Variants in LRRC4C observed in about 807,000 individuals in gnomAD.
LRRC4C encodes leucine-rich repeat-containing protein 4C.
In LRRC4C, 5 loss-of-function variants were observed where a neutral mutation model predicts 33.6. The observed-to-expected ratio is 0.15, with a 90% CI of 0.08 to 0.31. LRRC4C has a LOEUF of 0.31. Ranked by LOEUF, LRRC4C falls within the 10% of genes least tolerant of loss-of-function variation. LRRC4C has a pLI of 1.00. For missense variants in LRRC4C, 560 were observed against 796.7 expected (o/e 0.70, Z 3.58); for synonymous variants, 329 against 302.0 (o/e 1.09, Z -0.93).
At chr11:40,223,170 T>G (rs968428873) in intron 5 of LRRC4C, among the ~76,000 whole-genome samples, 12 of 152,180 alleles carry the variant, frequency 7.9e-5, no homozygotes, top group Non-Finnish European at 1.3e-4. Flanking sequence ...TCATGATATA[T>G]TTCCCTGAGT....
intron 1 of LRRC4C, among the ~76,000 whole-genome samples, chr11:41,217,914 T>C (rs1426457913): frequency 2.0e-5 from 3 of 152,074 alleles, no homozygotes; most frequent in Non-Finnish European, 2.9e-5. Context: ...TGTAGAAAAA[T>C]ATCTATAGGA....
intron 2 of LRRC4C, among the ~76,000 whole-genome samples, chr11:40,775,945 C>A (rs1221552346): frequency 6.6e-6 from 1 of 151,696 alleles, no homozygotes; most frequent in Admixed American, 6.5e-5. Flanking sequence ...GAGTTATGTT[C>A]TTTCTATGTT....
At chr11:40,732,926 G>T (rs1947665489) in intron 2 of LRRC4C, among the ~76,000 whole-genome samples, 1 of 151,822 alleles carries the variant, frequency 6.6e-6, no homozygotes, top group Non-Finnish European at 1.5e-5. Flanking sequence ...TTTACTATAT[G>T]CTAAATACTT....
chr11:41,190,702 G>T (rs1945906805), intron 1 of LRRC4C, among the ~76,000 whole-genome samples: 1 of 152,134 alleles, frequency 6.6e-6, no homozygotes, highest in Non-Finnish European at 1.5e-5. Flanking sequence ...CAGCAAACCA[G>T]ATACTTGATG....
At chr11:40,886,109 A>C (rs1163670783) in intron 2 of LRRC4C, among the ~76,000 whole-genome samples, 2 of 152,118 alleles carry the variant, frequency 1.3e-5, no homozygotes, top group African/African-American at 2.4e-5. Context: ...ATAGTAATTA[A>C]TAAAGCAACA....
chr11:40,623,805 C>A (rs11035965), intron 3 of LRRC4C, among the ~76,000 whole-genome samples: 65,638 of 151,772 alleles, frequency 0.43, 15,254 homozygotes, highest in Middle Eastern at 0.57. Context: ...TTTCCTTAAG[C>A]GATTCTGTTT....
chr11:40,724,948 C>T (rs1344347113), intron 2 of LRRC4C, among the ~76,000 whole-genome samples: 2 of 152,086 alleles, frequency 1.3e-5, no homozygotes, highest in East Asian at 3.9e-4. Flanking sequence ...GATATGATAA[C>T]CAAGACCCCA....
At chr11:41,143,115 T>C (rs1943581516) in intron 1 of LRRC4C, among the ~76,000 whole-genome samples, 1 of 151,490 alleles carries the variant, frequency 6.6e-6, no homozygotes, top group Non-Finnish European at 1.5e-5. Flanking sequence ...TAAAGAAGGG[T>C]GTCCTTCTAT....
At chr11:40,899,501 A>T (rs1387836914) in intron 2 of LRRC4C, among the ~76,000 whole-genome samples, 1 of 152,048 alleles carries the variant, frequency 6.6e-6, no homozygotes, top group Admixed American at 6.6e-5. Flanking sequence ...GAAATTCTGG[A>T]TTTATTTTTT....
chr11:40,451,678 C>T (rs1341640145), intron 3 of LRRC4C, among the ~76,000 whole-genome samples: 2 of 151,994 alleles, frequency 1.3e-5, no homozygotes, highest in Non-Finnish European at 2.9e-5. Context: ...AGCCACTGCA[C>T]CCGGCCAGAA....
At chr11:41,026,716 C>A (rs895093640) in intron 1 of LRRC4C, among the ~76,000 whole-genome samples, 19 of 151,186 alleles carry the variant, frequency 1.3e-4, no homozygotes, top group African/African-American at 4.6e-4. Context: ...CAGCAGCCAT[C>A]GACATTGAGA....
At chr11:40,162,194 G>T (rs533904981) in intron 5 of LRRC4C, among the ~76,000 whole-genome samples, 1 of 151,780 alleles carries the variant, frequency 6.6e-6, no homozygotes, top group Non-Finnish European at 1.5e-5. Context: ...GTTATAACAA[G>T]CCAGACATCA....
intron 2 of LRRC4C, among the ~76,000 whole-genome samples, chr11:40,709,196 C>T (rs1298121166): frequency 6.6e-6 from 1 of 152,088 alleles, no homozygotes; most frequent in African/African-American, 2.4e-5. Flanking sequence ...GGCATTTAGC[C>T]CATTTACATT....
chr11:40,755,684 G>A (rs72898722), intron 2 of LRRC4C, among the ~76,000 whole-genome samples: 1,690 of 152,130 alleles, frequency 0.011, 20 homozygotes, highest in Non-Finnish European at 0.018. Flanking sequence ...GCACCGAAGA[G>A]CTCCTGACAA....
At chr11:40,676,316 T>C (rs1169598313) in intron 2 of LRRC4C, among the ~76,000 whole-genome samples, 1 of 152,174 alleles carries the variant, frequency 6.6e-6, no homozygotes, top group African/African-American at 2.4e-5. Flanking sequence ...TGTCCAATCC[T>C]TGTCTTTTGG....
intron 3 of LRRC4C, among the ~76,000 whole-genome samples, chr11:40,593,547 G>A (rs761843864): frequency 6.6e-6 from 1 of 152,126 alleles, no homozygotes; most frequent in African/African-American, 2.4e-5. Context: ...ACAGAGACAG[G>A]CATGCAGGGA....
intron 1 of LRRC4C, among the ~76,000 whole-genome samples, chr11:41,453,355 C>T (rs141126577): frequency 1.3e-5 from 2 of 152,178 alleles, no homozygotes. Flanking sequence ...ATATTAGGGA[C>T]CCATTGGTTC....
chr11:41,445,825 C>T (rs993152998), intron 1 of LRRC4C, among the ~76,000 whole-genome samples: 1 of 146,198 alleles, frequency 6.8e-6, no homozygotes, highest in African/African-American at 2.5e-5. Context: ...AAGATCCAAG[C>T]AGGAAGAGGG....
At chr11:41,056,329 T>A (rs998006477) in intron 1 of LRRC4C, among the ~76,000 whole-genome samples, 3 of 152,212 alleles carry the variant, frequency 2.0e-5, no homozygotes, top group Non-Finnish European at 4.4e-5. Context: ...AATTCTAGGA[T>A]ATACTATTCT....
Sources: gnomAD v4.1 joint callset for allele counts (sites outside exome capture counted in the v4.1 genomes callset) on GRCh38, gnomAD v4.1.1 for gene constraint, MANE v1.5 for transcripts, NCBI Gene and HGNC (gene_info 2026-07-23, HGNC 2026-07-21) for gene names.